Variants in CRISPLD2 observed in about 807,000 individuals in gnomAD.
CRISPLD2 encodes cysteine rich secretory protein LCCL domain containing 2.
CRISPLD2 carries 47 observed loss-of-function variants against 71.1 expected under a neutral mutation model. The ratio of observed to expected loss-of-function variants is 0.66; its 90% CI spans 0.52 to 0.84. CRISPLD2 has a LOEUF of 0.84. CRISPLD2 is among the 40% of genes least tolerant of loss of function. The pLI is 0.00. For synonymous variants in CRISPLD2, 317 were observed against 250.1 expected (o/e 1.27, Z -2.52); for missense variants, 830 against 651.1 (o/e 1.27, Z -2.99).
chr16:84,829,894 C>T (rs1243246851), intron 1 of CRISPLD2, among the ~76,000 whole-genome samples: 4 of 152,266 alleles, frequency 2.6e-5, no homozygotes, highest in African/African-American at 9.6e-5. Flanking sequence ...CAGCCCCTTC[C>T]TCATCCCACG....
At chr16:84,853,286 C>T (rs1358751239) in intron 5 of CRISPLD2, among the ~76,000 whole-genome samples, 1 of 152,220 alleles carries the variant, frequency 6.6e-6, no homozygotes, top group Non-Finnish European at 1.5e-5. Context: ...CACCCAGAGA[C>T]AGGATGGGCT....
At position 84,900,539 on chromosome 16, in the gene CRISPLD2, TGGGAGG is replaced by T. The variant is rs1350432475; in HGVS notation, c.1440-6048_1440-6043del. Among the ~76,000 whole-genome samples, 11 of 7,254 alleles carry T rather than the reference TGGGAGG, an allele frequency of 1.5e-3. No homozygotes were observed. In the Admixed American group the frequency reaches 0.032, roughly 21 times the overall value. 4.8% of individuals were successfully genotyped at this position (7,254 alleles called of 152,430 possible). A position where few individuals can be genotyped will look rare whatever the true frequency, so the allele number is the denominator to read the frequency against. On this transcript the variant is annotated intron_variant, in intron 14 of 14. Coordinates refer to ENST00000262424, the MANE Select transcript of CRISPLD2 (RefSeq NM_031476.4). ...CCAAAAGCAAGACATCACACAGCGCTGGGAGGCATCACACAGCGCTGGGAGGCATCG... is the reference window on the plus strand; with the variant it reads ...CCAAAAGCAAGACATCACACAGCGCTCATCACACAGCGCTGGGAGGCATCG...
chr16:84,865,346 G>A (rs796345020), intron 6 of CRISPLD2, among the ~76,000 whole-genome samples: 6 of 152,238 alleles, frequency 3.9e-5, no homozygotes, highest in African/African-American at 1.4e-4. Context: ...AGTAGAGACA[G>A]GGTTTCACCC....
intron 14 of CRISPLD2, among the ~76,000 whole-genome samples, chr16:84,896,768 C>T (rs930893306): frequency 2.0e-5 from 3 of 152,112 alleles, no homozygotes; most frequent in Non-Finnish European, 2.9e-5. Context: ...TATGTACACT[C>T]ATACATATAG....
At chr16:84,840,182 C>A (rs532994156) in intron 2 of CRISPLD2, among the ~76,000 whole-genome samples, 1 of 152,312 alleles carries the variant, frequency 6.6e-6, no homozygotes, top group African/African-American at 2.4e-5. Flanking sequence ...TGGTCACGTT[C>A]CTTTGCCACA....
intron 1 of CRISPLD2, among the ~76,000 whole-genome samples, chr16:84,830,877 T>C (rs1555557660): frequency 6.6e-6 from 1 of 152,190 alleles, no homozygotes; most frequent in Non-Finnish European, 1.5e-5. Flanking sequence ...GGGATCTCTT[T>C]CCAGAAACTC....
At chr16:84,864,727 G>A (rs146471487) in intron 6 of CRISPLD2, among the ~76,000 whole-genome samples, 1 of 152,330 alleles carries the variant, frequency 6.6e-6, no homozygotes, top group Non-Finnish European at 1.5e-5. Flanking sequence ...TGTGTGCTGG[G>A]TGCCAGGTGT....
intron 13 of CRISPLD2, among the ~76,000 whole-genome samples, chr16:84,886,115 C>G (rs1350549017): frequency 2.0e-5 from 3 of 152,114 alleles, no homozygotes; most frequent in African/African-American, 7.2e-5. Flanking sequence ...ATCTCAAACT[C>G]CTGTCCTCAG....
intron 6 of CRISPLD2, among the ~76,000 whole-genome samples, chr16:84,864,311 A>C (rs1393257735): frequency 1.3e-5 from 2 of 152,228 alleles, no homozygotes; most frequent in Admixed American, 1.3e-4. Context: ...TGTGAGAGCC[A>C]GGACTGTCTG....
At chr16:84,877,334 G>A in intron 11 of CRISPLD2, 104 bp from the exon 12 acceptor site, 1 of 998,922 alleles carries the variant, frequency 1.0e-6, no homozygotes, top group South Asian at 1.4e-5. Flanking sequence ...AAGGGCCCAG[G>A]GAACCCATAG....
At chr16:84,831,271 A>AT (rs1776687561) in intron 1 of CRISPLD2, among the ~76,000 whole-genome samples, 2 of 152,070 alleles carry the variant, frequency 1.3e-5, no homozygotes, top group African/African-American at 4.8e-5. Context: ...GGTGACATGA[A>AT]TCCCCCAGAC....
At chr16:84,890,591 G>A (rs769614651) in intron 14 of CRISPLD2, among the ~76,000 whole-genome samples, 6 of 151,980 alleles carry the variant, frequency 3.9e-5, no homozygotes, top group Non-Finnish European at 8.8e-5. Flanking sequence ...TGCACACACC[G>A]TGACTGTTTC....
chr16:84,871,618 C>A (rs932597512), intron 8 of CRISPLD2, among the ~76,000 whole-genome samples: 4 of 151,938 alleles, frequency 2.6e-5, no homozygotes, highest in Non-Finnish European at 5.9e-5. Context: ...GTGGCACGAT[C>A]TTTGCTCACT....
chr16:84,837,867 G>A (rs900505961), intron 1 of CRISPLD2, among the ~76,000 whole-genome samples: 1 of 152,206 alleles, frequency 6.6e-6, no homozygotes, highest in Non-Finnish European at 1.5e-5. Flanking sequence ...TTGGCTGGAC[G>A]TGGTTCTGGG....
rs1412104587 is a variant in CRISPLD2 at position 84,909,414 on chromosome 16, G to A, written c.*2772G>A. On this transcript the variant is annotated 3_prime_UTR_variant, in exon 15 of 15. Coordinates refer to ENST00000262424, the MANE Select transcript of CRISPLD2 (RefSeq NM_031476.4). ...GAACAGGGGCCACGTTGTTGCAATT[G>A]TTTCAGTAGAACTGGTTTGATTTCT... The A allele has an allele frequency of 5.2e-5, 8 of 152,638 alleles. No individual in the cohort carries two copies. Among genetic ancestry groups the A allele is most frequent in the African/African-American group, 1.9e-4 (8 of 41,446 alleles). The allele number at this position is 152,638 out of a possible 1,614,324, so 9.5% of individuals were successfully genotyped here.
chr16:84,867,283 A>T (rs192710498), intron 7 of CRISPLD2, among the ~76,000 whole-genome samples: 2 of 152,356 alleles, frequency 1.3e-5, no homozygotes, highest in East Asian at 3.9e-4. Context: ...ACACCCAGGC[A>T]GGTATTTTAA....
At chr16:84,861,749 A>G (rs1386485237) in intron 6 of CRISPLD2, among the ~76,000 whole-genome samples, 1 of 152,132 alleles carries the variant, frequency 6.6e-6, no homozygotes. Context: ...CATAGCGAGA[A>G]CCCATCTCTA....
chr16:84,840,589 C>T (rs1916743036), intron 2 of CRISPLD2, among the ~76,000 whole-genome samples: 1 of 152,222 alleles, frequency 6.6e-6, no homozygotes, highest in African/African-American at 2.4e-5. Flanking sequence ...TCACTGCAAC[C>T]TCTGGCTCCT....
At chr16:84,869,940 G>T (rs2143280668) in intron 8 of CRISPLD2, among the ~76,000 whole-genome samples, 1 of 152,346 alleles carries the variant, frequency 6.6e-6, no homozygotes, top group Non-Finnish European at 1.5e-5. Flanking sequence ...TGGGGTGGGT[G>T]GGGCACTCCC....
Sources: allele counts gnomAD v4.1 joint callset (sites outside exome capture counted in the v4.1 genomes callset), GRCh38; gene constraint gnomAD v4.1.1; transcripts MANE v1.5; gene names NCBI Gene and HGNC (gene_info 2026-07-23, HGNC 2026-07-21).